Variants in THEMIS observed in about 807,000 individuals in gnomAD.
THEMIS encodes the protein thymocyte selection associated.
THEMIS carries 37 observed loss-of-function variants against 52.6 expected under a neutral mutation model. The ratio of observed to expected loss-of-function variants is 0.70; its 90% confidence interval spans 0.54 to 0.93. The LOEUF is 0.93. THEMIS is among the 40% of genes least tolerant of loss of function. THEMIS has a pLI of 0.00. For synonymous variants in THEMIS, 292 were observed against 272.7 expected, an observed-to-expected ratio of 1.07 and a Z score of -0.70; for missense variants, 808 against 763.1, an observed-to-expected ratio of 1.06 and a Z score of -0.69.
chr6:127,792,954 G>C (rs1356544421), intron 4 of THEMIS, among the ~76,000 whole-genome samples: 1 of 152,130 alleles, frequency 6.6e-6, no homozygotes, highest in Non-Finnish European at 1.5e-5. Flanking sequence ...CTAAATGGGG[G>C]TAGATTTCTT....
chr6:127,811,550 G>T (rs936318143), intron 4 of THEMIS, among the ~76,000 whole-genome samples: 6 of 152,114 alleles, frequency 3.9e-5, no homozygotes, highest in Non-Finnish European at 7.4e-5. Context: ...ATCTCATCTT[G>T]ATGTCCTTAA....
chr6:127,828,773 G>A (rs1778594418), intron 3 of THEMIS, among the ~76,000 whole-genome samples: 1 of 152,110 alleles, frequency 6.6e-6, no homozygotes, highest in Non-Finnish European at 1.5e-5. Flanking sequence ...CCAACATGGT[G>A]AAACCCTGTC....
rs760932562 is a variant in THEMIS at position 127,719,869 on chromosome 6, G to T, written c.1759-46C>A. 6 of 1,592,124 alleles carry T rather than the reference G, an allele frequency of 3.8e-6. No individual in the cohort carries two copies. In the African/African-American group the frequency reaches 8.2e-5, roughly 22 times the overall value. On this transcript the variant is annotated intron_variant, in intron 4 of 5. Transcript: ENST00000368248. ...AGTAAATTATCAGTCCAAAATAAAT[G>T]CTTCATAGAGATATGAAAGATTTAT... is the stretch of plus-strand genomic sequence containing the variant.
rs932722824 is a variant in THEMIS at position 127,708,937 on chromosome 6, T to C, written c.*1048A>G. On this transcript the variant is annotated 3_prime_UTR_variant, in exon 6 of 6. Coordinates refer to ENST00000368248, the MANE Select transcript of THEMIS (RefSeq NM_001010923.3). ...CAAATTTTGTACAGAGTATGATCTA[T>C]GGATGAAGTTCAAGCATTACTATTA... 2 of 151,978 alleles carry C rather than the reference T, an allele frequency of 1.3e-5. No homozygotes were observed. The highest frequency in any genetic ancestry group is 2.9e-5 in the Non-Finnish European group (2 of 67,930). The allele number at this position is 151,978 out of a possible 1,614,324, so 9.4% of individuals were successfully genotyped here. A position where few individuals can be genotyped will look rare whatever the true frequency, so the allele number is the denominator to read the frequency against.
At chr6:127,874,723 TAAG>T (rs1333656666) in intron 1 of THEMIS, among the ~76,000 whole-genome samples, 1 of 152,224 alleles carries the variant, frequency 6.6e-6, no homozygotes, top group South Asian at 2.1e-4. Context: ...TGAAAGGAGT[TAAG>T]AAGAAGGTAT....
At chr6:127,727,750 C>T (rs1156921370) in intron 4 of THEMIS, among the ~76,000 whole-genome samples, 3 of 152,084 alleles carry the variant, frequency 2.0e-5, no homozygotes, top group African/African-American at 7.2e-5. Flanking sequence ...ATTCTTGCTA[C>T]CAAAGTGTTG....
At chr6:127,707,345 C>T (rs986940011), downstream of THEMIS, among the ~76,000 whole-genome samples, 1 of 152,082 alleles carries the variant, frequency 6.6e-6, no homozygotes, top group African/African-American at 2.4e-5. Context: ...TTGTGCACAC[C>T]TTTCTAGATC....
chr6:127,874,295 A>G (rs796082213), intron 1 of THEMIS, among the ~76,000 whole-genome samples: 3 of 152,348 alleles, frequency 2.0e-5, no homozygotes, highest in African/African-American at 7.2e-5. Flanking sequence ...AGTTAATTTT[A>G]TGTAGTTGTG....
chr6:127,840,934 C>T (rs191163556), intron 2 of THEMIS, among the ~76,000 whole-genome samples: 1 of 152,018 alleles, frequency 6.6e-6, no homozygotes, highest in East Asian at 1.9e-4. Context: ...GTGGTTACCA[C>T]GGATTAGAGG....
chr6:127,774,518 C>T (rs1055069651), intron 4 of THEMIS, among the ~76,000 whole-genome samples: 2 of 152,260 alleles, frequency 1.3e-5, no homozygotes, highest in East Asian at 3.9e-4. Context: ...ACCTACCAGG[C>T]CTTCTTACGG....
intron 4 of THEMIS, among the ~76,000 whole-genome samples, chr6:127,735,516 A>G (rs1037420248): frequency 2.0e-5 from 3 of 152,182 alleles, no homozygotes; most frequent in African/African-American, 7.2e-5. Flanking sequence ...TTGGGGTTAT[A>G]TGTTTGGGAT....
intron 4 of THEMIS, among the ~76,000 whole-genome samples, chr6:127,728,822 T>C (rs764633484): frequency 3.9e-5 from 6 of 152,070 alleles, no homozygotes; most frequent in Non-Finnish European, 7.4e-5. Context: ...GAGAAGCGGA[T>C]AGACAAGGTA....
At chr6:127,833,047 G>A (rs1778753803) in intron 2 of THEMIS, among the ~76,000 whole-genome samples, 1 of 151,832 alleles carries the variant, frequency 6.6e-6, no homozygotes, top group Admixed American at 6.6e-5. Flanking sequence ...GCCTCCCAAA[G>A]TGCTGGGATT....
rs1777958188 is a variant in THEMIS, at chr6:127,812,885, T to C, written c.1756A>G (p.Lys586Glu). ...ERTVDLPKSP[K>E]RHHVDITKKL... is the part of the protein sequence containing the mutation. ...ACATTGCAAAACCATAGCCTTACCT[T>C]GGGAGACTTGGGCAGGTCTACCGTC... Residue 586 changes from lysine to glutamate, a missense_variant and splice_region_variant, in exon 4 of 6, where the codon AAG becomes GAG. Physicochemically the swap from Lys to Glu is moderately conservative, Grantham distance 56 (BLOSUM62 1). Coordinates refer to ENST00000368248, the MANE Select transcript of THEMIS (RefSeq NM_001010923.3). 1 of 1,591,266 alleles carries C rather than the reference T, an allele frequency of 6.3e-7. No homozygotes were observed. Among genetic ancestry groups the C allele is most frequent in the African/African-American group, 1.3e-5 (1 of 74,196 alleles).
intron 1 of THEMIS, among the ~76,000 whole-genome samples, chr6:127,873,342 C>T (rs971064962): frequency 2.2e-4 from 34 of 152,024 alleles, no homozygotes; most frequent in African/African-American, 7.7e-4. Context: ...AAAACAATTT[C>T]GTAAAAGAAG....
intron 1 of THEMIS, among the ~76,000 whole-genome samples, chr6:127,876,992 A>G (rs985921147): frequency 1.3e-5 from 2 of 152,204 alleles, no homozygotes; most frequent in Non-Finnish European, 2.9e-5. Context: ...TTCTCAGTGC[A>G]TATAAAAATT....
At chr6:127,873,194 A>G (rs1317587203) in intron 1 of THEMIS, among the ~76,000 whole-genome samples, 2 of 152,220 alleles carry the variant, frequency 1.3e-5, no homozygotes, top group African/African-American at 2.4e-5. Flanking sequence ...GAAAGTCTCA[A>G]CAACGTAAAG....
At chr6:127,720,472 A>G (rs1459213565) in intron 4 of THEMIS, among the ~76,000 whole-genome samples, 1 of 151,978 alleles carries the variant, frequency 6.6e-6, no homozygotes, top group Non-Finnish European at 1.5e-5. Context: ...GATGGGAACA[A>G]AAAGTGAAGA....
intron 4 of THEMIS, among the ~76,000 whole-genome samples, chr6:127,730,277 T>TAAGAAAAGA (rs1554215750): frequency 5.5e-5 from 3 of 54,734 alleles, no homozygotes; most frequent in Admixed American, 3.0e-4. Context: ...CTATAGGAAA[T>TAAGAAAAGA]AAAGAAAAGA....
Sources: gnomAD v4.1 joint callset for allele counts (sites outside exome capture counted in the v4.1 genomes callset) on GRCh38, gnomAD v4.1.1 for gene constraint, MANE v1.5 for transcripts, NCBI Gene and HGNC (gene_info 2026-07-23, HGNC 2026-07-21) for gene names.